The following CELA2B variants were observed in gnomAD, a reference collection of about 807,000 sequenced individuals.
CELA2B encodes chymotrypsin-like elastase family member 2B.
A neutral mutation model predicts 36.5 loss-of-function variants in CELA2B; 27 were observed. That is an observed-to-expected ratio of 0.74 (90% CI 0.55 to 1.02). The LOEUF (loss-of-function observed/expected upper bound fraction) is 1.02, where lower values mean the gene tolerates loss of function less well. Among genes scored for constraint, CELA2B ranks in the 50% least tolerant of loss-of-function variants. CELA2B has a pLI of 0.00. For synonymous variants in CELA2B, 143 were observed against 148.5 expected (o/e 0.96, Z 0.27); for missense variants, 340 against 347.8 (o/e 0.98, Z 0.18).
At chr1:15,487,089 T>G (rs1470563444) in intron 6 of CELA2B, among the ~76,000 whole-genome samples, 196 bp from the exon 7 acceptor site, 2 of 152,224 alleles carry the variant, frequency 1.3e-5, no homozygotes, top group Non-Finnish European at 2.9e-5. Flanking sequence ...GCATAGAACA[T>G]GCTTAGCTCA....
chr1:15,487,672 G>A (rs983822529), intron 7 of CELA2B, among the ~76,000 whole-genome samples: 2 of 152,226 alleles, frequency 1.3e-5, no homozygotes, highest in African/African-American at 2.4e-5. Context: ...GTCCAAAGAC[G>A]TTGGACACTC....
intron 7 of CELA2B, among the ~76,000 whole-genome samples, chr1:15,488,596 G>A (rs2103316165): frequency 6.6e-6 from 1 of 152,318 alleles, no homozygotes; most frequent in South Asian, 2.1e-4. Context: ...TTGCTCTTCT[G>A]TAAAGTGGGA....
rs147654955 is a variant in CELA2B at position 15,484,280 on chromosome 1, G to A, written c.493+880G>A. 3.2e-3 allele frequency among the ~76,000 whole-genome samples: 489 copies of A among 152,164 alleles called. 1 individual carries two copies. The highest frequency in any genetic ancestry group is 0.011 in the African/African-American group (473 of 41,510). ...GGTCTTCTTTGACATAGACTCCAAG[G>A]GTCAGAGATCCAATGACAGTAGCCA... is the stretch of plus-strand genomic sequence containing the variant. On this transcript the variant is annotated intron_variant, in intron 5 of 7. Coordinates refer to ENST00000375910, the MANE Select transcript of CELA2B (RefSeq NM_015849.3).
intron 2 of CELA2B, among the ~76,000 whole-genome samples, chr1:15,479,878 T>C (rs576638820): frequency 1.3e-5 from 2 of 152,198 alleles, no homozygotes; most frequent in South Asian, 4.2e-4. Flanking sequence ...GTTTGGTGTA[T>C]GTGCAGAACT....
At chr1:15,485,540 CTG>C (rs1708793562) in intron 5 of CELA2B, among the ~76,000 whole-genome samples, 2 of 152,366 alleles carry the variant, frequency 1.3e-5, no homozygotes, top group South Asian at 4.1e-4. Context: ...GAAACACTCA[CTG>C]AGAAATTTCT....
chr1:15,485,766 A>ATGGCT, intron 5 of CELA2B, 135 bp from the exon 6 acceptor site: 1 of 1,107,642 alleles, frequency 9.0e-7, no homozygotes, highest in East Asian at 2.4e-5. Flanking sequence ...GTGAGGACAC[A>ATGGCT]GTATAGACAA....
chr1:15,487,966 G>T lies in CELA2B; in HGVS notation c.792+529G>T, dbSNP rs1014847419. Among the ~76,000 whole-genome samples the T allele has an allele frequency of 6.6e-4, 66 of 99,818 alleles. 1 individual carries two copies. The highest frequency in any genetic ancestry group is 2.5e-4 in the South Asian group (1 of 3,970). The allele number at this position is 99,818 out of a possible 152,430, so 65.5% of individuals were successfully genotyped here. A position where few individuals can be genotyped will look rare whatever the true frequency, so the allele number is the denominator to read the frequency against. On this transcript the variant is annotated intron_variant, in intron 7 of 7. Coordinates refer to ENST00000375910, the MANE Select transcript of CELA2B (RefSeq NM_015849.3). Reference sequence around the variant, plus strand: ...ACTGGGACCATCCCAGGCAAATAAAGCTGAGTTGGTCCCCGTCTTGTAAAT... The same window carrying T: ...ACTGGGACCATCCCAGGCAAATAAATCTGAGTTGGTCCCCGTCTTGTAAAT...
rs200058067 is a variant in CELA2B at position 15,486,028 on chromosome 1, C to T, written c.621C>T (p.Gly207=). Residue 207 remains glycine (G), a synonymous_variant, in exon 6 of 8, where the codon GGC becomes GGT. Transcript: ENST00000375910. ...ATATGATCTGTGCTGGGGGTGATGG[C>T]GTGATATGCACCTGCAACGTGAGTA... ...KTNMICAGGD[G]VICTCNGDSG... The T allele has an allele frequency of 2.5e-5, 40 of 1,613,566 alleles. No homozygotes were observed. The highest frequency in any genetic ancestry group is 1.7e-4 in the Middle Eastern group (1 of 6,060).
chr1:15,483,514 A>T lies in CELA2B; in HGVS notation c.493+114A>T, dbSNP rs1320267733. The T allele has an allele frequency of 2.0e-6, 3 of 1,532,686 alleles. No individual in the cohort carries two copies. The East Asian group carries it at 6.8e-5, about 35-fold the overall frequency. The allele number at this position is 1,532,686 out of a possible 1,614,324, so 94.9% of individuals were successfully genotyped here. On this transcript the variant is annotated intron_variant, in intron 5 of 7. Transcript: ENST00000375910. Reference sequence around the variant, plus strand: ...TCCTGGGCATGTGGCTGCCTTGGAGAGACAGGATGGCATAGGCTGATGTCT... The same window carrying T: ...TCCTGGGCATGTGGCTGCCTTGGAGTGACAGGATGGCATAGGCTGATGTCT...
At chr1:15,481,025 C>G in intron 2 of CELA2B, 73 bp from the exon 3 acceptor site, 2 of 1,561,612 alleles carry the variant, frequency 1.3e-6, no homozygotes, top group Non-Finnish European at 1.8e-6. Context: ...GTCCCAGCCC[C>G]GTTCTTGGGA....
chr1:15,478,724 C>T (rs1413793357), intron 2 of CELA2B, among the ~76,000 whole-genome samples: 1 of 151,266 alleles, frequency 6.6e-6, no homozygotes, highest in African/African-American at 2.4e-5. Context: ...TGCCACCACA[C>T]CAGCAAATTT....
chr1:15,476,610 C>T (rs894904737), intron 2 of CELA2B, 65 bp downstream of exon 2: 1 of 1,477,848 alleles, frequency 6.8e-7, no homozygotes, highest in South Asian at 1.1e-5. Context: ...CCCCTTTGCC[C>T]TTCCACCATG....
At chr1:15,476,598 C>T (rs1708674524) in intron 2 of CELA2B, 53 bp downstream of exon 2, 4 of 1,517,354 alleles carry the variant, frequency 2.6e-6, no homozygotes, top group Non-Finnish European at 3.7e-6. Flanking sequence ...CCCTTTACAT[C>T]CCCCCTTTGC....
At position 15,487,491 on chromosome 1, in the gene CELA2B, C is replaced by T. The variant is rs150442266; in HGVS notation, c.792+54C>T. ...AGGCACTGACCTGCTCACCTGGCCT[C>T]GGGAGTGCCATGCCCACCTGGCGAC... On this transcript the variant is annotated intron_variant, in intron 7 of 7. Transcript: ENST00000375910. The T allele has an allele frequency of 5.2e-4, 830 of 1,599,750 alleles. 4 individuals carry two copies. In the African/African-American group the frequency reaches 9.1e-3, roughly 18 times the overall value.
In CELA2B at chr1:15,491,296, T is replaced by C. The variant is rs1421088928; in HGVS notation, c.794T>C (p.Val265Ala). 8.1e-6 allele frequency: 13 copies of C among 1,613,968 alleles called. No individual in the cohort carries two copies. Among genetic ancestry groups the C allele is most frequent in the Middle Eastern group, 1.6e-4 (1 of 6,084 alleles). ...TTTTCTTGTGTGTGTGTCCTGCAGG[T>C]GATTGCAAATAACTAACCAAAAGAA... ...VSNYNDWINS[V>A]IANN Residue 265 changes from valine to alanine, a missense_variant and splice_region_variant, in exon 8 of 8, where the codon GTG becomes GCG. By Grantham distance (64) the Val-to-Ala change is moderately conservative (BLOSUM62 0). Transcript: ENST00000375910.
At chr1:15,480,100 T>C (rs956729959) in intron 2 of CELA2B, among the ~76,000 whole-genome samples, 5 of 151,880 alleles carry the variant, frequency 3.3e-5, no homozygotes, top group African/African-American at 7.3e-5. Flanking sequence ...TGGGTGGGAA[T>C]GGGGAGAAGA....
rs554151409 is a variant in CELA2B, at chr1:15,480,645, A to G, written c.130-453A>G. 1.8e-4 allele frequency among the ~76,000 whole-genome samples: 28 copies of G among 152,300 alleles called. 1 individual carries two copies. In the South Asian group the frequency reaches 5.6e-3, roughly 30 times the overall value. On this transcript the variant is annotated intron_variant, in intron 2 of 7. Transcript: ENST00000375910. ...CATCAGATATCATGAGAACTCACTC[A>G]GTATCACAAAAATAGCATGGGGTAA...
At chr1:15,481,730 C>T (rs1213775301) in intron 3 of CELA2B, 2 of 469,734 alleles carry the variant, frequency 4.3e-6, no homozygotes, top group East Asian at 1.4e-4. Context: ...ACAGCTGGAA[C>T]TCACCGGAGT....
At chr1:15,478,230 T>TATATATATATATA (rs1557523207) in intron 2 of CELA2B, among the ~76,000 whole-genome samples, 3 of 147,654 alleles carry the variant, frequency 2.0e-5, no homozygotes, top group East Asian at 4.0e-4. Context: ...GGATATATAG[T>TATATATATATATA]TTGTTTGTTT....
Sources: allele counts gnomAD v4.1 joint callset (sites outside exome capture counted in the v4.1 genomes callset), GRCh38; gene constraint gnomAD v4.1.1; transcripts MANE v1.5; gene names NCBI Gene and HGNC (gene_info 2026-07-23, HGNC 2026-07-21).